The following NUGGC variants were observed in gnomAD, a reference collection of about 807,000 sequenced individuals.
NUGGC encodes nuclear GTPase SLIP-GC.
In NUGGC, 58 loss-of-function variants were observed where a neutral mutation model predicts 92.6. The observed-to-expected ratio is 0.63, with a 90% CI of 0.51 to 0.78. NUGGC has a LOEUF of 0.78. Among genes scored for constraint, NUGGC ranks in the 30% least tolerant of loss-of-function variants. The pLI is 0.00. For synonymous variants in NUGGC, 376 were observed against 366.4 expected, an observed-to-expected ratio of 1.03 and a Z score of -0.30; for missense variants, 925 against 964.6, an observed-to-expected ratio of 0.96 and a Z score of 0.54.
At chr8:28,056,374 A>T (rs952038357) in intron 9 of NUGGC, among the ~76,000 whole-genome samples, 4 of 151,808 alleles carry the variant, frequency 2.6e-5, no homozygotes, top group African/African-American at 9.7e-5. Flanking sequence ...GCTACTCGGG[A>T]GGCTGAGGCA....
intron 13 of NUGGC, among the ~76,000 whole-genome samples, chr8:28,036,970 A>G (rs1809569410): frequency 6.6e-6 from 1 of 152,198 alleles, no homozygotes; most frequent in Admixed American, 6.5e-5. Context: ...AGGATCACCC[A>G]CATGAGCTTG....
chr8:28,023,181 T>G lies in NUGGC; in HGVS notation c.*136A>C. On this transcript the variant is annotated 3_prime_UTR_variant, in exon 19 of 19. Coordinates refer to ENST00000413272, the MANE Select transcript of NUGGC (RefSeq NM_001010906.2). ...TGAGCCTAGGAGTTCGAGGCTGCAG[T>G]GAGCTGTGATGGTGCCACTGCACTC... 1.5e-4 allele frequency: 143 copies of G among 926,876 alleles called. No individual in the cohort carries two copies. Among genetic ancestry groups the G allele is most frequent in the Non-Finnish European group, 2.0e-4 (127 of 634,354 alleles). 57.4% of individuals were successfully genotyped at this position (926,876 alleles called of 1,614,324 possible).
At chr8:28,051,572 G>A (rs376134892) in intron 10 of NUGGC, among the ~76,000 whole-genome samples, 5 of 152,246 alleles carry the variant, frequency 3.3e-5, no homozygotes, top group African/African-American at 1.2e-4. Context: ...GTCAAATCAG[G>A]CAGTAAAACT....
At chr8:28,027,885 A>T (rs1809309681) in intron 17 of NUGGC, among the ~76,000 whole-genome samples, 1 of 152,226 alleles carries the variant, frequency 6.6e-6, no homozygotes, top group Non-Finnish European at 1.5e-5. Flanking sequence ...CGATCAATAT[A>T]TCAGAGACTA....
At position 28,038,972 on chromosome 8, in the gene NUGGC, C is replaced by T. The variant is rs554516623; in HGVS notation, c.1611+2079G>A. 5.9e-5 allele frequency among the ~76,000 whole-genome samples: 9 copies of T among 152,254 alleles called. No homozygotes were observed. The South Asian group carries it at 1.7e-3, about 28-fold the overall frequency. On this transcript the variant is annotated intron_variant, in intron 13 of 18. Transcript: ENST00000413272. The stretch of plus-strand genomic sequence containing the variant: ...ATCTGATTCCACAGTCAGCATTTTG[C>T]TCACATTTGCTGACTGAATGCACGC...
rs372657420 is a variant in NUGGC at position 28,023,343 on chromosome 8, C to A, written c.2365G>T (p.Ala789Ser). ...EFLLRASPSK[A>S]GPPGTSL ...TACAGTGATGTCCCGGGGGGGCCAG[C>A]CTTGCTGGGGGATGCCCTTAGGAGG... Residue 789 changes from alanine (A) to serine (S), a missense_variant, in exon 19 of 19, where the codon GCT becomes TCT. Ala to Ser is a moderately conservative substitution (Grantham distance 99). Transcript: ENST00000413272. 26 of 1,613,736 alleles carry A rather than the reference C, an allele frequency of 1.6e-5. No homozygotes were observed. Among genetic ancestry groups the A allele is most frequent in the Non-Finnish European group, 2.0e-5 (24 of 1,179,792 alleles).
chr8:28,069,445 C>A, intron 4 of NUGGC, 99 bp downstream of exon 4: 1 of 647,598 alleles, frequency 1.5e-6, no homozygotes, highest in African/African-American at 1.8e-5. Context: ...TTCTTAGTTT[C>A]TAATTAAATA....
At chr8:28,075,776 T>G (rs1317002373) in intron 1 of NUGGC, among the ~76,000 whole-genome samples, 1 of 152,206 alleles carries the variant, frequency 6.6e-6, no homozygotes, top group Non-Finnish European at 1.5e-5. Context: ...CTGTATTTGG[T>G]GGGTGTTGGG....
intron 10 of NUGGC, among the ~76,000 whole-genome samples, chr8:28,052,252 G>A (rs927988420): frequency 7.9e-5 from 12 of 152,132 alleles, no homozygotes; most frequent in African/African-American, 2.9e-4. Flanking sequence ...TTGAAATTGA[G>A]GTGCATCTTG....
At chr8:28,063,771 C>A (rs557460788) in intron 7 of NUGGC, among the ~76,000 whole-genome samples, 1 of 152,328 alleles carries the variant, frequency 6.6e-6, no homozygotes, top group East Asian at 1.9e-4. Context: ...TCTAAACAAA[C>A]CTGTGGAGTT....
At chr8:28,082,454 G>A (rs900003497) in intron 1 of NUGGC, among the ~76,000 whole-genome samples, 4 of 152,166 alleles carry the variant, frequency 2.6e-5, no homozygotes, top group Admixed American at 1.3e-4. Flanking sequence ...TCCTTATCAG[G>A]AATTCATACA....
rs777180079 is a variant in NUGGC, at chr8:28,082,525, A to C, written c.-47+1250T>G. 1.8e-4 allele frequency among the ~76,000 whole-genome samples: 27 copies of C among 152,330 alleles called. 1 individual carries two copies. Among genetic ancestry groups the C allele is most frequent in the Middle Eastern group, 6.8e-3 (2 of 294 alleles). On this transcript the variant is annotated intron_variant, in intron 1 of 18. Transcript: ENST00000413272. ...GGGAGGAATGATTAATGACTTGCCT[A>C]AGATCACACTGTTCTGTAAAATTCA...
chr8:28,037,971 C>T (rs532157738), intron 13 of NUGGC, among the ~76,000 whole-genome samples: 5 of 152,302 alleles, frequency 3.3e-5, no homozygotes, highest in African/African-American at 1.2e-4. Context: ...AAACCCTGCT[C>T]CAGAGCTCAT....
Position 28,069,550 on chromosome 8 carries a change from T to TAA in NUGGC, c.250_251insTT (p.Tyr84PhefsTer4). 1 of 1,545,208 alleles carries TAA rather than the reference T, an allele frequency of 6.5e-7. No homozygotes were observed. Among genetic ancestry groups the TAA allele is most frequent in the South Asian group, 1.1e-5 (1 of 88,892 alleles). ...TTGCAGATTTCAGACTCACATGAGA[T>TAA]ACTTGACTCCATTAGGGATGCTGTC... On this transcript the variant is annotated frameshift_variant, in exon 4 of 19. Transcript: ENST00000413272. LOFTEE classifies it high-confidence loss of function.
At chr8:28,056,477 C>CAAA in intron 9 of NUGGC, among the ~76,000 whole-genome samples, 1 of 125,840 alleles carries the variant, frequency 7.9e-6, no homozygotes. Flanking sequence ...GACTGTATCT[C>CAAA]AAAAAAAAAA....
At chr8:28,075,444 C>T (rs1193456025) in intron 1 of NUGGC, among the ~76,000 whole-genome samples, 1 of 152,182 alleles carries the variant, frequency 6.6e-6, no homozygotes, top group African/African-American at 2.4e-5. Context: ...GAGGGCACTG[C>T]CCAGACAGGG....
At chr8:28,079,265 G>C (rs898937871) in intron 1 of NUGGC, among the ~76,000 whole-genome samples, 1 of 152,126 alleles carries the variant, frequency 6.6e-6, no homozygotes, top group South Asian at 2.1e-4. Flanking sequence ...ATGCGGGCCG[G>C]GTGCGGTGGC....
intron 7 of NUGGC, 98 bp from the exon 8 acceptor site, chr8:28,060,699 C>G (rs1184871482): frequency 1.8e-5 from 19 of 1,068,220 alleles, no homozygotes; most frequent in Non-Finnish European, 2.4e-5. Flanking sequence ...TCCCTCCAGT[C>G]CCACCCCTCA....
intron 1 of NUGGC, among the ~76,000 whole-genome samples, chr8:28,077,364 C>T (rs1563234081): frequency 6.7e-6 from 1 of 150,350 alleles, no homozygotes; most frequent in Non-Finnish European, 1.5e-5. Context: ...TGAGACCAGC[C>T]TGGGCAATCA....
Sources: allele counts gnomAD v4.1 joint callset (sites outside exome capture counted in the v4.1 genomes callset), GRCh38; gene constraint gnomAD v4.1.1; transcripts MANE v1.5; gene names NCBI Gene and HGNC (gene_info 2026-07-23, HGNC 2026-07-21).